Variants in SYT1 observed in about 807,000 individuals in gnomAD.
SYT1 encodes synaptotagmin 1.
A neutral mutation model predicts 44.8 loss-of-function variants in SYT1; 8 were observed. The ratio of observed to expected loss-of-function variants is 0.18; its 90% CI spans 0.10 to 0.32. The LOEUF (loss-of-function observed/expected upper bound fraction) is 0.32, where lower values mean the gene tolerates loss of function less well. Ranked by LOEUF, SYT1 falls within the 10% of genes least tolerant of loss-of-function variation. SYT1 has a pLI of 1.00. For synonymous variants in SYT1, 154 were observed against 188.8 expected, an observed-to-expected ratio of 0.82 and a Z score of 1.51; for missense variants, 286 against 509.3, an observed-to-expected ratio of 0.56 and a Z score of 4.22.
At position 79,296,121 on chromosome 12, in the gene SYT1, G is replaced by A; in HGVS notation, c.527G>A (p.Gly176Asp). 1 of 1,613,668 alleles carries A rather than the reference G, an allele frequency of 6.2e-7. No individual in the cohort carries two copies. Residue 176 changes from glycine (G) to aspartate (D), a missense_variant, in exon 7 of 11, where the codon GGC (glycine) becomes GAC (aspartate). By Grantham distance (94) the Gly-to-Asp change is moderately conservative. Around this residue, in one of 6 missense-constraint regions of SYT1, gnomAD observed 81 missense variants for 164.9 expected, o/e 0.49. Coordinates refer to ENST00000261205, the MANE Select transcript of SYT1 (RefSeq NM_005639.3). ...AAELPALDMG[G>D]TSDPYVKVFL... ...GAACTGCCCGCCTTGGACATGGGGG[G>A]CACATCTGATCCTTACGTGAAAGTG...
intron 2 of SYT1, among the ~76,000 whole-genome samples, chr12:79,044,877 G>T (rs201061389): frequency 6.6e-6 from 1 of 151,664 alleles, no homozygotes; most frequent in East Asian, 1.9e-4. Flanking sequence ...GTCTGTTGGA[G>T]TACGCTGCCG....
intron 3 of SYT1, among the ~76,000 whole-genome samples, chr12:79,098,738 T>C (rs1403279510): frequency 6.6e-6 from 1 of 152,140 alleles, no homozygotes; most frequent in Non-Finnish European, 1.5e-5. Flanking sequence ...AAACCACGTG[T>C]TAGCAGAGGC....
At chr12:79,120,698 G>A (rs1339533231) in intron 3 of SYT1, among the ~76,000 whole-genome samples, 1 of 152,008 alleles carries the variant, frequency 6.6e-6, no homozygotes, top group African/African-American at 2.4e-5. Context: ...TTATCAAAAA[G>A]TTATATGATG....
chr12:79,059,388 T>C (rs1275830334), intron 3 of SYT1, among the ~76,000 whole-genome samples: 4 of 152,110 alleles, frequency 2.6e-5, no homozygotes, highest in African/African-American at 9.7e-5. Context: ...TTATATAATA[T>C]TGTTTACCTA....
intron 1 of SYT1, among the ~76,000 whole-genome samples, chr12:78,892,857 T>C (rs1875132403): frequency 1.3e-5 from 2 of 151,834 alleles, no homozygotes; most frequent in Non-Finnish European, 2.9e-5. Context: ...AATAACTAGA[T>C]ATGAATCCTA....
chr12:79,328,278 T>C (rs1224134503), intron 8 of SYT1, among the ~76,000 whole-genome samples: 1 of 152,194 alleles, frequency 6.6e-6, no homozygotes, highest in Non-Finnish European at 1.5e-5. Context: ...TTAGTTTGGT[T>C]GACTGAGAAA....
intron 4 of SYT1, among the ~76,000 whole-genome samples, chr12:79,281,785 C>G (rs2138813950): frequency 6.6e-6 from 1 of 152,298 alleles, no homozygotes; most frequent in East Asian, 1.9e-4. Context: ...CTTTGTATCA[C>G]TTGAGTTCCT....
At chr12:79,023,357 G>A (rs907096326) in intron 2 of SYT1, among the ~76,000 whole-genome samples, 2 of 151,856 alleles carry the variant, frequency 1.3e-5, no homozygotes, top group Non-Finnish European at 2.9e-5. Flanking sequence ...GAGGGGTGGG[G>A]CTTTAGAGAG....
At chr12:79,226,220 G>A (rs1875510764) in intron 4 of SYT1, among the ~76,000 whole-genome samples, 1 of 152,090 alleles carries the variant, frequency 6.6e-6, no homozygotes, top group African/African-American at 2.4e-5. Flanking sequence ...TTTAATGCTT[G>A]ACTGTGTCAT....
chr12:79,155,463 T>G (rs1870537916), intron 3 of SYT1, among the ~76,000 whole-genome samples: 1 of 152,080 alleles, frequency 6.6e-6, no homozygotes, highest in African/African-American at 2.4e-5. Flanking sequence ...AATCCAAACA[T>G]GCCTGAGTTT....
intron 6 of SYT1, among the ~76,000 whole-genome samples, chr12:79,292,862 G>GCTGAAAGA: frequency 6.6e-6 from 1 of 152,252 alleles, no homozygotes; most frequent in African/African-American, 2.4e-5. Context: ...AATAGAGATT[G>GCTGAAAGA]CTGAAAGACA....
intron 2 of SYT1, among the ~76,000 whole-genome samples, chr12:78,983,229 T>C (rs751374960): frequency 1.1e-4 from 17 of 152,024 alleles, no homozygotes; most frequent in Non-Finnish European, 2.1e-4. Context: ...AAGGAACAAA[T>C]AAATTCATAA....
rs1472338835 is a variant in SYT1 at position 79,254,404 on chromosome 12, C to CA, written c.167-31375dup. 5.3e-5 allele frequency among the ~76,000 whole-genome samples: 8 copies of CA among 151,644 alleles called. No homozygotes were observed. In the East Asian group the frequency reaches 7.7e-4, roughly 15 times the overall value. ...CCATTGTTGAGACCTGCTGCTCAGC[C>CA]AAAAAAAAGATTATTTTCAAAATAT... On this transcript the variant is annotated intron_variant, in intron 4 of 10. Transcript: ENST00000261205.
intron 3 of SYT1, among the ~76,000 whole-genome samples, chr12:79,121,871 A>G (rs1025879160): frequency 2.0e-5 from 3 of 152,238 alleles, no homozygotes; most frequent in African/African-American, 7.2e-5. Context: ...CAAATAGTAG[A>G]TGTAATTCAA....
chr12:79,368,676 T>G (rs1883656925), intron 9 of SYT1, among the ~76,000 whole-genome samples: 1 of 151,650 alleles, frequency 6.6e-6, no homozygotes, highest in African/African-American at 2.4e-5. Flanking sequence ...TCATGTGTTT[T>G]TTGGCTGCAT....
chr12:78,964,132 C>T (rs926111125), intron 1 of SYT1: 14 of 152,022 alleles, frequency 9.2e-5, no homozygotes, highest in African/African-American at 2.9e-4. Flanking sequence ...TAGATCTCAA[C>T]ACAAAGGCTG....
intron 3 of SYT1, among the ~76,000 whole-genome samples, chr12:79,116,552 C>T (rs758273126): frequency 2.6e-5 from 4 of 152,152 alleles, no homozygotes; most frequent in East Asian, 1.9e-4. Flanking sequence ...ACATGCCCAA[C>T]GTGGGTGAAC....
At chr12:79,389,905 A>G (rs1884584233) in intron 9 of SYT1, among the ~76,000 whole-genome samples, 1 of 151,482 alleles carries the variant, frequency 6.6e-6, no homozygotes, top group Non-Finnish European at 1.5e-5. Flanking sequence ...AGGAATAGTC[A>G]CTACTTGTTT....
chr12:79,352,190 C>G (rs1405275881), intron 8 of SYT1, among the ~76,000 whole-genome samples: 1 of 150,382 alleles, frequency 6.6e-6, no homozygotes, highest in South Asian at 2.1e-4. Flanking sequence ...GAATACACCC[C>G]CCCCCCAAAA....
Sources: allele counts gnomAD v4.1 joint callset (sites outside exome capture counted in the v4.1 genomes callset), GRCh38; gene constraint gnomAD v4.1.1; regional missense constraint gnomAD v4.1.1; transcripts MANE v1.5; gene names NCBI Gene and HGNC (gene_info 2026-07-23, HGNC 2026-07-21).